Variants in CRACDL observed in about 807,000 individuals in gnomAD.
CRACDL encodes the protein CRACD like, also known as CRACD-like protein.
CRACDL carries 26 observed loss-of-function variants against 70.6 expected under a neutral mutation model. That is an observed-to-expected ratio of 0.37 (90% CI 0.27 to 0.51). CRACDL has a LOEUF of 0.51. Ranked by LOEUF, CRACDL falls within the 20% of genes least tolerant of loss-of-function variation. The pLI, the probability that CRACDL is intolerant of heterozygous loss-of-function variation, is 0.94. For synonymous variants in CRACDL, 618 were observed against 615.2 expected, an observed-to-expected ratio of 1.00 and a Z score of -0.07; for missense variants, 1,283 against 1,376.9, an observed-to-expected ratio of 0.93 and a Z score of 1.08.
intron 2 of CRACDL, among the ~76,000 whole-genome samples, chr2:98,841,948 G>A (rs1197555452): frequency 1.3e-5 from 2 of 152,004 alleles, no homozygotes; most frequent in African/African-American, 4.8e-5. Context: ...CTCCTGTCCA[G>A]GTAATCTGTC....
chr2:98,932,251 G>C (rs191606320), intron 1 of CRACDL, among the ~76,000 whole-genome samples: 4 of 152,254 alleles, frequency 2.6e-5, no homozygotes, highest in East Asian at 1.9e-4. Context: ...ACACCAGGCC[G>C]GGCCGGCCTG....
chr2:98,908,630 G>A (rs1408327226), intron 1 of CRACDL: 1 of 152,286 alleles, frequency 6.6e-6, no homozygotes, highest in South Asian at 2.1e-4. Flanking sequence ...CTCCATTAAG[G>A]TCTGTCCCCT....
chr2:98,822,818 C>A lies in CRACDL; in HGVS notation c.1455G>T (p.Thr485=). 7.2e-7 allele frequency: 1 copy of A among 1,392,186 alleles called. No individual in the cohort carries two copies. The allele number at this position is 1,392,186 out of a possible 1,614,324, so 86.2% of individuals were successfully genotyped here. A position where few individuals can be genotyped will look rare whatever the true frequency, so the allele number is the denominator to read the frequency against. Residue 485 remains threonine, a synonymous_variant, in exon 7 of 10, where the codon ACG becomes ACT. Transcript: ENST00000397899. This position sits in a 1 kb window ranked among gnomAD's most constrained non-coding sequence, Gnocchi z 4.9. ...GCGCCGGCGGGCTCGGGGCGGGCGC[C>A]GTGGAGGGCTCGGTCCCAATTCTCT... The part of the protein sequence containing the change: ...EPERIGTEPS[T]APAPSPPAPK...
At chr2:98,818,154 C>T (rs953300683) in intron 7 of CRACDL, among the ~76,000 whole-genome samples, 11 of 152,122 alleles carry the variant, frequency 7.2e-5, no homozygotes, top group African/African-American at 2.7e-4. Flanking sequence ...GGCTGATAAC[C>T]CTGGGCCATT....
intron 8 of CRACDL, 23 bp from the exon 9 acceptor site, chr2:98,796,287 C>T: frequency 6.2e-7 from 1 of 1,606,604 alleles, no homozygotes. Flanking sequence ...AAGACACATG[C>T]TGCCAAGTTA....
At chr2:98,805,512 C>T (rs1704253192) in intron 7 of CRACDL, among the ~76,000 whole-genome samples, 1 of 152,124 alleles carries the variant, frequency 6.6e-6, no homozygotes, top group African/African-American at 2.4e-5. Context: ...GCCTCACCCC[C>T]TTTGCCTTTT....
chr2:98,843,699 T>C (rs1203195959), intron 2 of CRACDL, among the ~76,000 whole-genome samples: 2 of 152,220 alleles, frequency 1.3e-5, no homozygotes, highest in African/African-American at 4.8e-5. Context: ...GTTTTTGAAC[T>C]CTACTCCCTT....
intron 1 of CRACDL, among the ~76,000 whole-genome samples, chr2:98,875,199 A>G (rs1707453670): frequency 6.6e-6 from 1 of 152,218 alleles, no homozygotes; most frequent in Non-Finnish European, 1.5e-5. Flanking sequence ...CCGCCCATGT[A>G]CACCACGAGT....
chr2:98,796,381 T>C (rs1703823047), intron 8 of CRACDL, 117 bp from the exon 9 acceptor site: 9 of 1,061,012 alleles, frequency 8.5e-6, no homozygotes, highest in Non-Finnish European at 1.2e-5. Context: ...TGCTGGCACT[T>C]TCTCGGGAGG....
At chr2:98,855,411 A>G (rs891644002) in intron 1 of CRACDL, among the ~76,000 whole-genome samples, 1 of 152,226 alleles carries the variant, frequency 6.6e-6, no homozygotes, top group African/African-American at 2.4e-5. Flanking sequence ...ACAAAGAAAT[A>G]AGGATATATC....
chr2:98,812,741 T>C (rs1704626459), intron 7 of CRACDL, among the ~76,000 whole-genome samples: 1 of 152,122 alleles, frequency 6.6e-6, no homozygotes, highest in East Asian at 1.9e-4. Flanking sequence ...CTTTAAAGAA[T>C]ACTTTATATA....
intron 1 of CRACDL, chr2:98,897,304 C>T (rs1167732865): frequency 1.9e-6 from 2 of 1,026,558 alleles, no homozygotes; most frequent in Admixed American, 2.5e-5. Flanking sequence ...TCCTTTTACC[C>T]TTCTGGTATT....
At chr2:98,836,716 GA>G (rs1207414228) in intron 3 of CRACDL, among the ~76,000 whole-genome samples, 2 of 152,126 alleles carry the variant, frequency 1.3e-5, no homozygotes, top group Non-Finnish European at 2.9e-5. Flanking sequence ...CTTGCAAAGT[GA>G]TGACATTGAA....
intron 1 of CRACDL, among the ~76,000 whole-genome samples, chr2:98,852,894 T>TG (rs1005200154): frequency 7.8e-6 from 1 of 128,070 alleles, no homozygotes; most frequent in African/African-American, 3.0e-5. Flanking sequence ...AAACAGGGAG[T>TG]GGGGGGAGTG....
At chr2:98,914,127 G>A (rs959563691) in intron 1 of CRACDL, among the ~76,000 whole-genome samples, 1 of 152,238 alleles carries the variant, frequency 6.6e-6, no homozygotes, top group Non-Finnish European at 1.5e-5. Context: ...TCATGACTAG[G>A]AGCCAGGAAG....
intron 1 of CRACDL, among the ~76,000 whole-genome samples, chr2:98,862,427 A>G (rs796555640): frequency 3.9e-5 from 6 of 152,346 alleles, no homozygotes; most frequent in African/African-American, 1.2e-4. Context: ...TCAAAGGAAA[A>G]AAACCAACAG....
intron 1 of CRACDL, among the ~76,000 whole-genome samples, chr2:98,931,337 A>T (rs889243692): frequency 6.6e-6 from 1 of 151,486 alleles, no homozygotes; most frequent in Non-Finnish European, 1.5e-5. Flanking sequence ...AAAAAAAAAA[A>T]AAAAAAAAGA....
chr2:98,879,525 A>T (rs1431048877), intron 1 of CRACDL, among the ~76,000 whole-genome samples: 1 of 152,148 alleles, frequency 6.6e-6, no homozygotes, highest in Non-Finnish European at 1.5e-5. Flanking sequence ...AACATTCCAA[A>T]TCATTCTAGC....
chr2:98,805,870 C>T (rs1451148363), intron 7 of CRACDL, among the ~76,000 whole-genome samples: 1 of 152,206 alleles, frequency 6.6e-6, no homozygotes, highest in African/African-American at 2.4e-5. Context: ...CTCAGAAACC[C>T]GCCTCCCGCT....
Sources: allele counts gnomAD v4.1 joint callset (sites outside exome capture counted in the v4.1 genomes callset), GRCh38; gene constraint gnomAD v4.1.1; non-coding constraint Gnocchi (gnomAD v3.1); transcripts MANE v1.5; gene names NCBI Gene and HGNC (gene_info 2026-07-23, HGNC 2026-07-21).